The following SLC45A1 variants were observed in gnomAD, a reference collection of about 807,000 sequenced individuals.
The protein encoded by SLC45A1 is solute carrier family 45 member 1, also known as proton-associated sugar transporter A.
Under a neutral mutation model 57.6 loss-of-function variants are expected in SLC45A1, and 28 were observed. The observed-to-expected ratio is 0.49, with a 90% CI of 0.36 to 0.67. The LOEUF is 0.67. SLC45A1 is among the 30% of genes least tolerant of loss of function. The pLI, the probability that SLC45A1 is intolerant of heterozygous loss-of-function variation, is 0.00. For missense variants in SLC45A1, 814 were observed against 1,041.5 expected (o/e 0.78, Z 3.01); for synonymous variants, 459 against 471.5 (o/e 0.97, Z 0.34).
chr1:8,322,099 G>A (rs1640035156), intron 1 of SLC45A1, among the ~76,000 whole-genome samples: 1 of 122,980 alleles, frequency 8.1e-6, no homozygotes, highest in Non-Finnish European at 1.7e-5. Context: ...GGATGGATGG[G>A]TGGGTGGGTG....
rs565101642 is a variant in SLC45A1, at chr1:8,339,848, C to T, written c.1980+150C>T. 8 of 762,686 alleles carry T rather than the reference C, an allele frequency of 1.0e-5. No individual in the cohort carries two copies. The East Asian group carries it at 2.1e-4, about 20-fold the overall frequency. 47.2% of individuals were successfully genotyped at this position (762,686 alleles called of 1,614,324 possible). On this transcript the variant is annotated intron_variant, in intron 8 of 8. Coordinates refer to ENST00000471889, the MANE Select transcript of SLC45A1 (RefSeq NM_001080397.3). ...GAGCATGAAACCAAGGGGGGCCCTTCTGAGTCTGGGGCGTGCCCCCTGCCT... is the reference window on the plus strand; with the variant it reads ...GAGCATGAAACCAAGGGGGGCCCTTTTGAGTCTGGGGCGTGCCCCCTGCCT...
intron 1 of SLC45A1, among the ~76,000 whole-genome samples, 168 bp downstream of exon 1, chr1:8,318,354 C>T (rs1025595146): frequency 4.6e-5 from 7 of 152,332 alleles, no homozygotes; most frequent in Non-Finnish European, 1.0e-4. Flanking sequence ...CCACGGAGCT[C>T]CCCCGTCTCG....
chr1:8,323,862 G>C (rs547439629), intron 1 of SLC45A1, among the ~76,000 whole-genome samples: 1 of 152,206 alleles, frequency 6.6e-6, no homozygotes, highest in African/African-American at 2.4e-5. Flanking sequence ...AGGGTGCCGG[G>C]GGGGTGGTTC....
chr1:8,325,699 G>A lies in SLC45A1; in HGVS notation c.491-119G>A, dbSNP rs931054417. 9.9e-5 allele frequency: 95 copies of A among 960,356 alleles called. No individual in the cohort carries two copies. The highest frequency in any genetic ancestry group is 6.8e-4 in the Middle Eastern group (3 of 4,390). The allele number at this position is 960,356 out of a possible 1,614,324, so 59.5% of individuals were successfully genotyped here. ...GCAGGCGGCTTTTCCACCGGGCTGT[G>A]CTTGAGGTTTAAGTTTTAAAAATTC... On this transcript the variant is annotated intron_variant, in intron 3 of 8. Transcript: ENST00000471889. This position sits in a 1 kb window ranked among gnomAD's most constrained non-coding sequence, Gnocchi z 6.3.
intron 7 of SLC45A1, among the ~76,000 whole-genome samples, chr1:8,338,215 G>A (rs1478109796): frequency 1.3e-5 from 2 of 152,194 alleles, no homozygotes; most frequent in African/African-American, 4.8e-5. Context: ...GGCCTACGGG[G>A]GCACGGGTGC....
In SLC45A1 at chr1:8,344,056, G is replaced by T; in HGVS notation, c.*43G>T. On this transcript the variant is annotated 3_prime_UTR_variant, in exon 9 of 9. Transcript: ENST00000471889. Reference sequence around the variant, plus strand: ...TCCGGACACGCGCCTGCACCTGGGGGTCTGGAGCAGGCCGACCAGTGAGGA... The same window carrying T: ...TCCGGACACGCGCCTGCACCTGGGGTTCTGGAGCAGGCCGACCAGTGAGGA... The T allele has an allele frequency of 2.6e-6, 4 of 1,565,000 alleles. 1 individual carries two copies. In the South Asian group the frequency reaches 3.5e-5, roughly 14 times the overall value.
rs370319515 is a variant in SLC45A1, at chr1:8,339,677, C to T, written c.1959C>T (p.Cys653=). The part of the protein sequence containing the change: ...TLCTLPYSLL[C]DYYQSKKFAG... ...GCACCTTGCCTTACTCGCTGCTCTG[C>T]GATTACTATCAGAGTAAGAAGGTAA... Residue 653 remains cysteine (C), a synonymous_variant, in exon 8 of 9, where the codon TGC becomes TGT. Transcript: ENST00000471889. 5.0e-5 allele frequency: 80 copies of T among 1,614,008 alleles called. 1 individual carries two copies. In the Middle Eastern group the frequency reaches 2.6e-3, roughly 53 times the overall value.
At chr1:8,322,263 G>C (rs768204984) in intron 1 of SLC45A1, among the ~76,000 whole-genome samples, 41 of 3,770 alleles carry the variant, frequency 0.011, 20 homozygotes, top group African/African-American at 0.023. Flanking sequence ...GAGATGGATG[G>C]ATGGATGGAT....
chr1:8,319,551 G>A (rs1639935708), intron 1 of SLC45A1, among the ~76,000 whole-genome samples: 1 of 152,212 alleles, frequency 6.6e-6, no homozygotes, highest in Admixed American at 6.5e-5. Context: ...GCCTTCGGGG[G>A]ATCCAGGGAG....
In SLC45A1 at chr1:8,325,727, G is replaced by C. The variant is rs1640175927; in HGVS notation, c.491-91G>C. ...TGAGGTTTAAGTTTTAAAAATTCTTGAGTCCTAAAGATTCTAGACATAAGT... is the reference window on the plus strand; with the variant it reads ...TGAGGTTTAAGTTTTAAAAATTCTTCAGTCCTAAAGATTCTAGACATAAGT... On this transcript the variant is annotated intron_variant, in intron 3 of 8. Transcript: ENST00000471889. This position sits in a 1 kb window ranked among gnomAD's most constrained non-coding sequence, Gnocchi z 6.3. 8.3e-7 allele frequency: 1 copy of C among 1,207,136 alleles called. No homozygotes were observed. Among genetic ancestry groups the C allele is most frequent in the Non-Finnish European group, 1.2e-6 (1 of 860,028 alleles). 74.8% of individuals were successfully genotyped at this position (1,207,136 alleles called of 1,614,324 possible).
chr1:8,335,564 G>T lies in SLC45A1; in HGVS notation c.1571G>T (p.Arg524Leu). The T allele has an allele frequency of 6.2e-7, 1 of 1,605,528 alleles. No homozygotes were observed. The highest frequency in any genetic ancestry group is 8.5e-7 in the Non-Finnish European group (1 of 1,178,832). The change falls in exon 6 of 9, where the codon CGC becomes CTC. Residue 524 changes from arginine (R) to leucine (L), a missense_variant. By Grantham distance (102) the Arg-to-Leu change is moderately radical. Transcript: ENST00000471889. This position sits in a 1 kb window ranked among gnomAD's most constrained non-coding sequence, Gnocchi z 4.1. ...STICNMPKAL[R>L]TLCVNHFLGW... ...ATCTGCAACATGCCCAAGGCGCTAC[G>T]CACCCTCTGCGTCAACCACTTCCTG...
In SLC45A1 at chr1:8,339,590, C is replaced by T. The variant is rs1640742217; in HGVS notation, c.1872C>T (p.Ser624=). ...FGLGTGLATL[S]RNLYVVLSLC... ...TGGGGACCGGGCTTGCCACCCTCTC[C>T]AGGAACCTCTACGTGGTCCTGTCGC... Residue 624 remains serine, a synonymous_variant, in exon 8 of 9, where the codon TCC becomes TCT. Transcript: ENST00000471889. 6.2e-7 allele frequency: 1 copy of T among 1,614,260 alleles called. No individual in the cohort carries two copies. Among genetic ancestry groups the T allele is most frequent in the Non-Finnish European group, 8.5e-7 (1 of 1,180,044 alleles).
rs956492672 is a variant in SLC45A1 at position 8,318,248 on chromosome 1, C to T, written c.-25+62C>T. 7.3e-6 allele frequency: 3 copies of T among 411,882 alleles called. No individual in the cohort carries two copies. In the East Asian group the frequency reaches 1.1e-4, roughly 15 times the overall value. 25.5% of individuals were successfully genotyped at this position (411,882 alleles called of 1,614,324 possible). A position where few individuals can be genotyped will look rare whatever the true frequency, so the allele number is the denominator to read the frequency against. On this transcript the variant is annotated intron_variant, in intron 1 of 8. Transcript: ENST00000471889. ...TGGCTCCGTGCCTGCCGGGGCGCCGCGCCCTGGGCCCCGGGGTAGTCAGGG... is the reference window on the plus strand; with the variant it reads ...TGGCTCCGTGCCTGCCGGGGCGCCGTGCCCTGGGCCCCGGGGTAGTCAGGG...
chr1:8,341,215 AAGAGT>A (rs1640801526), intron 8 of SLC45A1, among the ~76,000 whole-genome samples: 1 of 150,242 alleles, frequency 6.7e-6, no homozygotes. Context: ...AAAAAAAAAA[AAGAGT>A]AAGAGGGACA....
intron 7 of SLC45A1, among the ~76,000 whole-genome samples, 168 bp downstream of exon 7, chr1:8,338,160 G>C (rs562405173): frequency 6.6e-6 from 1 of 152,362 alleles, no homozygotes; most frequent in African/African-American, 2.4e-5. Flanking sequence ...GGGGAGCTGG[G>C]CTGAAGAAAT....
chr1:8,324,418 G>T lies in SLC45A1; in HGVS notation c.89G>T (p.Gly30Val), dbSNP rs571145488. 4 of 1,612,740 alleles carry T rather than the reference G, an allele frequency of 2.5e-6. No individual in the cohort carries two copies. The East Asian group carries it at 6.7e-5, about 27-fold the overall frequency. ...GACTTCTGGAGGTCCCAGGTCACGG[G>T]CTACTCGGGGTCCGTGACACGACAC... ...PQDFWRSQVT[G>V]YSGSVTRHLS... Residue 30 changes from glycine to valine, a missense_variant, in exon 2 of 9, where the codon GGC becomes GTC. Transcript: ENST00000471889.
In SLC45A1 at chr1:8,335,312, A is replaced by G. The variant is rs188208314; in HGVS notation, c.1444-125A>G. 3.2e-6 allele frequency: 3 copies of G among 937,846 alleles called. No individual in the cohort carries two copies. Among genetic ancestry groups the G allele is most frequent in the Non-Finnish European group, 4.6e-6 (3 of 657,594 alleles). The allele number at this position is 937,846 out of a possible 1,614,324, so 58.1% of individuals were successfully genotyped here. A position where few individuals can be genotyped will look rare whatever the true frequency, so the allele number is the denominator to read the frequency against. On this transcript the variant is annotated intron_variant, in intron 5 of 8. Coordinates refer to ENST00000471889, the MANE Select transcript of SLC45A1 (RefSeq NM_001080397.3). The surrounding 1 kb of genome is among the most constrained non-coding windows in gnomAD (Gnocchi z 4.1). Reference sequence around the variant, plus strand: ...CGACACGGGGCTCATGCCGTCAGATAAGAAGACAGACCCTTGCAGCCTCCG... The same window carrying G: ...CGACACGGGGCTCATGCCGTCAGATGAGAAGACAGACCCTTGCAGCCTCCG...
chr1:8,341,885 A>C (rs1226600757), intron 8 of SLC45A1, among the ~76,000 whole-genome samples: 1 of 151,306 alleles, frequency 6.6e-6, no homozygotes, highest in East Asian at 1.9e-4. Flanking sequence ...GCACCACTGC[A>C]CTCCAGCCTG....
At chr1:8,337,726 C>A in intron 6 of SLC45A1, 90 bp from the exon 7 acceptor site, 1 of 1,284,312 alleles carries the variant, frequency 7.8e-7, no homozygotes, top group South Asian at 1.4e-5. Flanking sequence ...CTGCTCATTA[C>A]TTTTATAACC....
Sources: allele counts gnomAD v4.1 joint callset (sites outside exome capture counted in the v4.1 genomes callset), GRCh38; gene constraint gnomAD v4.1.1; non-coding constraint Gnocchi (gnomAD v3.1); transcripts MANE v1.5; gene names NCBI Gene and HGNC (gene_info 2026-07-23, HGNC 2026-07-21).